SPP2: variants seen among roughly 807,000 people sequenced by gnomAD.
The protein encoded by SPP2 is secreted phosphoprotein 2.
SPP2 carries 34 observed loss-of-function variants against 28.8 expected under a neutral mutation model. The ratio of observed to expected loss-of-function variants is 1.18; its 90% CI spans 0.90 to 1.57. SPP2 has a LOEUF of 1.57. Among genes scored for constraint, SPP2 ranks in the 40% most tolerant of loss-of-function variants. The pLI, the probability that SPP2 is intolerant of heterozygous loss-of-function variation, is 0.00. For missense variants in SPP2, 269 were observed against 263.9 expected (o/e 1.02, Z -0.13); for synonymous variants, 96 against 89.4 (o/e 1.07, Z -0.42).
intron 4 of SPP2, among the ~76,000 whole-genome samples, chr2:234,060,954 C>T (rs551519297): frequency 2.0e-5 from 3 of 152,178 alleles, no homozygotes; most frequent in African/African-American, 7.2e-5. Context: ...CTCTGTAGTC[C>T]AGGTCAGGAT....
chr2:234,057,545 G>T (rs1693633622), intron 2 of SPP2, among the ~76,000 whole-genome samples: 1 of 152,210 alleles, frequency 6.6e-6, no homozygotes, highest in South Asian at 2.1e-4. Context: ...ATAACTATCT[G>T]GGATGATCTT....
chr2:234,070,587 T>C (rs753481212), intron 7 of SPP2, among the ~76,000 whole-genome samples: 1 of 152,068 alleles, frequency 6.6e-6, no homozygotes, highest in African/African-American at 2.4e-5. Flanking sequence ...TCAGCCTCTC[T>C]AGTAGCTGGG....
At chr2:234,057,278 C>T (rs6705481) in intron 2 of SPP2, among the ~76,000 whole-genome samples, 10 of 152,276 alleles carry the variant, frequency 6.6e-5, no homozygotes, top group African/African-American at 2.4e-4. Context: ...CAAGACCATA[C>T]CTGACACGCT....
chr2:234,067,688 A>T (rs2125466959), intron 6 of SPP2, among the ~76,000 whole-genome samples: 1 of 147,986 alleles, frequency 6.8e-6, no homozygotes, highest in South Asian at 2.2e-4. Flanking sequence ...AAGGCAGGAG[A>T]ATGGCGTGAA....
chr2:234,066,678 C>T lies in SPP2; in HGVS notation c.499+91C>T, dbSNP rs1003834002. On this transcript the variant is annotated intron_variant, in intron 5 of 7. Coordinates refer to ENST00000168148, the MANE Select transcript of SPP2 (RefSeq NM_006944.3). ...AGTGAGTCATTTAAAACTAGAAATA[C>T]ATATGTATGTAATCTTGCAACAATT... The T allele has an allele frequency of 2.2e-5, 21 of 951,444 alleles. No individual in the cohort carries two copies. The African/African-American group carries it at 3.3e-4, about 15-fold the overall frequency. The allele number at this position is 951,444 out of a possible 1,614,324, so 58.9% of individuals were successfully genotyped here.
intron 3 of SPP2, 58 bp from the exon 4 acceptor site, chr2:234,060,311 G>C (rs1477035085): frequency 1.7e-6 from 2 of 1,152,104 alleles, no homozygotes; most frequent in Non-Finnish European, 1.3e-6. Context: ...TTACTCAATG[G>C]AGGCTATCCC....
chr2:234,072,716 G>T (rs539046246), intron 7 of SPP2, among the ~76,000 whole-genome samples: 1 of 152,112 alleles, frequency 6.6e-6, no homozygotes, highest in African/African-American at 2.4e-5. Flanking sequence ...TGGTAAGGCC[G>T]GCATAGTGGG....
In SPP2 at chr2:234,059,448, C is replaced by T. The variant is rs181686526; in HGVS notation, c.333+490C>T. Among the ~76,000 whole-genome samples, 24 of 152,182 alleles carry T rather than the reference C, an allele frequency of 1.6e-4. No homozygotes were observed. In the East Asian group the frequency reaches 1.7e-3, roughly 11 times the overall value. ...GACCAGAACATGTACAGCACTGTTCCGTGGTAAGCAGGACCATGAAAACCT... is the reference window on the plus strand; with the variant it reads ...GACCAGAACATGTACAGCACTGTTCTGTGGTAAGCAGGACCATGAAAACCT... On this transcript the variant is annotated intron_variant, in intron 3 of 7. Transcript: ENST00000168148.
At chr2:234,063,719 T>C (rs550586618) in intron 4 of SPP2, among the ~76,000 whole-genome samples, 263 of 152,286 alleles carry the variant, frequency 1.7e-3, no homozygotes, top group African/African-American at 6.2e-3. Context: ...AATGGTACAA[T>C]GTATTACAGT....
intron 7 of SPP2, among the ~76,000 whole-genome samples, chr2:234,075,640 A>G (rs1406501470): frequency 6.6e-6 from 1 of 152,012 alleles, no homozygotes; most frequent in Non-Finnish European, 1.5e-5. Flanking sequence ...TTCCAGCCTC[A>G]GCTCTCCTTC....
intron 2 of SPP2, among the ~76,000 whole-genome samples, chr2:234,051,429 C>T (rs17864801): frequency 0.12 from 18,290 of 152,126 alleles, 2,101 homozygotes; most frequent in African/African-American, 0.29. Flanking sequence ...GGAAATGAGC[C>T]TCCTTTCAAA....
In SPP2 at chr2:234,066,583, A is replaced by G. The variant is rs2125465330; in HGVS notation, c.495A>G (p.Leu165=). The G allele has an allele frequency of 1.9e-6, 3 of 1,611,280 alleles. No homozygotes were observed. Among genetic ancestry groups the G allele is most frequent in the Middle Eastern group, 3.3e-4 (2 of 6,054 alleles). The change falls in exon 5 of 8, where the codon CTA becomes CTG. Residue 165 remains leucine, a synonymous_variant. Coordinates refer to ENST00000168148, the MANE Select transcript of SPP2 (RefSeq NM_006944.3). The part of the protein sequence containing the change: ...LGSHKWRNNY[L]FGLISDESIS... ...CTCATAAATGGAGAAACAATTATCT[A>G]TTTGGTAAGTTAAGATCTGTTCTTT...
chr2:234,059,601 CTT>C (rs59907885), intron 3 of SPP2, among the ~76,000 whole-genome samples: 8,423 of 152,222 alleles, frequency 0.055, 384 homozygotes, highest in East Asian at 0.15. Context: ...GAATGCATGT[CTT>C]GGGTGGAGGT....
chr2:234,067,506 G>T (rs60599952), intron 6 of SPP2, among the ~76,000 whole-genome samples: 6 of 152,162 alleles, frequency 3.9e-5, no homozygotes, highest in South Asian at 2.1e-4. Flanking sequence ...GGCCGGGCGC[G>T]GTGGCTCACG....
At chr2:234,068,945 GGT>G (rs2125468866) in intron 6 of SPP2, among the ~76,000 whole-genome samples, 1 of 152,264 alleles carries the variant, frequency 6.6e-6, no homozygotes, top group South Asian at 2.1e-4. Flanking sequence ...TTAGCTGGGT[GGT>G]TCTGGCTCAG....
chr2:234,054,819 G>A (rs1385653570), intron 2 of SPP2, among the ~76,000 whole-genome samples: 1 of 152,120 alleles, frequency 6.6e-6, no homozygotes, highest in Non-Finnish European at 1.5e-5. Flanking sequence ...GCTGGTGTGG[G>A]GTCTCAAGTC....
At chr2:234,060,313 G>A (rs1693692300) in intron 3 of SPP2, 56 bp from the exon 4 acceptor site, 2 of 1,184,624 alleles carry the variant, frequency 1.7e-6, no homozygotes, top group East Asian at 2.4e-5. Context: ...ACTCAATGGA[G>A]GCTATCCCTT....
In SPP2 at chr2:234,069,930, A is replaced by G; in HGVS notation, c.553A>G (p.Ile185Val). Residue 185 changes from isoleucine to valine, a missense_variant and splice_region_variant, in exon 7 of 8, where the codon ATC becomes GTC. By Grantham distance (29) the Ile-to-Val change is conservative (BLOSUM62 3). Transcript: ENST00000168148. Reference protein sequence around the residue: ...SEQFYDRSLGIMRRVLPPGNR... With the variant: ...SEQFYDRSLGVMRRVLPPGNR... ...ATGCTTCCCTTTTCTATCTTTAGGGATCATGAGAAGGGTATTGCCTCCTGG... is the reference window on the plus strand; with the variant it reads ...ATGCTTCCCTTTTCTATCTTTAGGGGTCATGAGAAGGGTATTGCCTCCTGG... 1 of 1,612,562 alleles carries G rather than the reference A, an allele frequency of 6.2e-7. No homozygotes were observed. Among genetic ancestry groups the G allele is most frequent in the Non-Finnish European group, 8.5e-7 (1 of 1,178,856 alleles).
intron 4 of SPP2, among the ~76,000 whole-genome samples, chr2:234,063,115 T>C (rs1473975855): frequency 1.3e-5 from 2 of 151,970 alleles, no homozygotes; most frequent in Non-Finnish European, 2.9e-5. Flanking sequence ...ATTTCTTGCA[T>C]GAAACAGAGA....
Sources: allele counts gnomAD v4.1 joint callset (sites outside exome capture counted in the v4.1 genomes callset), GRCh38; gene constraint gnomAD v4.1.1; transcripts MANE v1.5; gene names NCBI Gene and HGNC (gene_info 2026-07-23, HGNC 2026-07-21).